The following SLC5A10 variants were observed in gnomAD, a reference collection of about 807,000 sequenced individuals.
The protein encoded by SLC5A10 is sodium/mannose cotransporter SLC5A10.
A neutral mutation model predicts 68.9 loss-of-function variants in SLC5A10; 55 were observed. The observed-to-expected ratio is 0.80, with a 90% CI of 0.64 to 1.00. The LOEUF (loss-of-function observed/expected upper bound fraction) is 1.00. Among genes scored for constraint, SLC5A10 ranks in the 50% least tolerant of loss-of-function variants. The probability of loss-of-function intolerance (pLI) is 0.00; values close to 1 mark genes in which losing one functional copy is unlikely to be tolerated. For missense variants in SLC5A10, 732 were observed against 819.3 expected (o/e 0.89, Z 1.30); for synonymous variants, 344 against 344.8 (o/e 1.00, Z 0.02).
intron 9 of SLC5A10, among the ~76,000 whole-genome samples, chr17:19,005,399 C>A (rs544521624): frequency 8.5e-5 from 13 of 152,290 alleles, no homozygotes; most frequent in Non-Finnish European, 2.9e-5. Flanking sequence ...GGGGTTGGGA[C>A]CCTGGTTATG....
At chr17:19,005,647 AC>A (rs141784762) in intron 9 of SLC5A10, among the ~76,000 whole-genome samples, 18 of 137,018 alleles carry the variant, frequency 1.3e-4, no homozygotes, top group Middle Eastern at 3.5e-3. Flanking sequence ...GTGCCCTCAA[AC>A]CCCCCCCCTC....
chr17:18,988,043 C>T (rs1426295669), intron 9 of SLC5A10, among the ~76,000 whole-genome samples: 1 of 152,222 alleles, frequency 6.6e-6, no homozygotes, highest in African/African-American at 2.4e-5. Flanking sequence ...TTTATCTCTG[C>T]CACGTTGGAG....
chr17:18,977,070 G>T, intron 9 of SLC5A10, 81 bp downstream of exon 9: 6 of 1,574,290 alleles, frequency 3.8e-6, no homozygotes, highest in Non-Finnish European at 5.2e-6. Context: ...GTCACCAGAA[G>T]AAGAGGCAAA....
chr17:18,969,054 G>A lies in SLC5A10; in HGVS notation c.456G>A (p.Leu152=). Residue 152 remains leucine (L), a splice_region_variant and synonymous_variant, in exon 6 of 15, where the codon CTG becomes CTA. Transcript: ENST00000395645. ...CACAAGGCTCTCTCCCTCCGCAGCT[G>A]GACCTGTACGCGGGGGCTCTGTTTG... The part of the protein sequence containing the change: ...LLLSVFTKIS[L]DLYAGALFVH... The A allele has an allele frequency of 6.2e-7, 1 of 1,613,076 alleles. No homozygotes were observed.
chr17:18,953,073 C>T (rs901229913), intron 1 of SLC5A10, among the ~76,000 whole-genome samples: 10 of 152,034 alleles, frequency 6.6e-5, no homozygotes, highest in African/African-American at 2.4e-4. Context: ...CCCAGAGGTC[C>T]CCAGCCTGGC....
At chr17:18,980,114 G>A (rs1187662260) in intron 9 of SLC5A10, among the ~76,000 whole-genome samples, 2 of 152,132 alleles carry the variant, frequency 1.3e-5, no homozygotes, top group Non-Finnish European at 2.9e-5. Context: ...AGGAGGGCAG[G>A]AAGGGGGCCT....
intron 1 of SLC5A10, chr17:18,953,558 A>G (rs2472693): frequency 0.7 from 107,129 of 152,436 alleles, 38,548 homozygotes; most frequent in South Asian, 0.81. Context: ...GACACCACCT[A>G]CCTGGGGTGA....
chr17:19,019,359 G>A, intron 11 of SLC5A10, 64 bp from the exon 12 acceptor site: 1 of 1,551,816 alleles, frequency 6.4e-7, no homozygotes, highest in Non-Finnish European at 8.7e-7. Flanking sequence ...AGTGACCAGG[G>A]GAGGTGGGAG....
At chr17:18,965,086 T>TAAA (rs1567780704) in intron 5 of SLC5A10, among the ~76,000 whole-genome samples, 1 of 144,686 alleles carries the variant, frequency 6.9e-6, no homozygotes, top group African/African-American at 2.7e-5. Flanking sequence ...AGAGGTTTTT[T>TAAA]TAAAAAAAAA....
intron 8 of SLC5A10, chr17:18,976,552 A>C (rs993940171): frequency 5.4e-6 from 2 of 368,162 alleles, no homozygotes; most frequent in Non-Finnish European, 9.9e-6. Flanking sequence ...GGTCTCCTCC[A>C]GCCCTGACAA....
chr17:18,959,527 C>A, intron 3 of SLC5A10, 77 bp from the exon 4 acceptor site: 1 of 1,506,422 alleles, frequency 6.6e-7, no homozygotes, highest in Non-Finnish European at 9.2e-7. Flanking sequence ...TGGCTCATCC[C>A]AGCCATGTCT....
At chr17:18,977,605 G>C in intron 9 of SLC5A10, 2 of 1,609,052 alleles carry the variant, frequency 1.2e-6, no homozygotes, top group Non-Finnish European at 1.7e-6. Flanking sequence ...TGTCTGTGGA[G>C]CGCTGGGCCT....
At chr17:18,952,795 C>T (rs547155728) in intron 1 of SLC5A10, among the ~76,000 whole-genome samples, 15 of 152,252 alleles carry the variant, frequency 9.9e-5, no homozygotes, top group African/African-American at 3.4e-4. Flanking sequence ...GTGGCCTAGC[C>T]CTAGATCATA....
chr17:18,965,408 C>T (rs2042690167), intron 5 of SLC5A10, among the ~76,000 whole-genome samples: 1 of 152,216 alleles, frequency 6.6e-6, no homozygotes, highest in South Asian at 2.1e-4. Flanking sequence ...CACCCAGCTT[C>T]TCTGCTGTCC....
intron 6 of SLC5A10, 24 bp from the exon 7 acceptor site, chr17:18,969,318 C>A: frequency 1.2e-6 from 2 of 1,611,458 alleles, no homozygotes; most frequent in Non-Finnish European, 1.7e-6. Flanking sequence ...GGGCCCCCTC[C>A]AGCAACCTTG....
Position 19,017,179 on chromosome 17 carries a change from C to A in SLC5A10, c.1241+1980C>A. 3 of 1,032,412 alleles carry A rather than the reference C, an allele frequency of 2.9e-6. No homozygotes were observed. Among genetic ancestry groups the A allele is most frequent in the Non-Finnish European group, 4.3e-6 (3 of 691,904 alleles). The allele number at this position is 1,032,412 out of a possible 1,614,324, so 64.0% of individuals were successfully genotyped here. A position where few individuals can be genotyped will look rare whatever the true frequency, so the allele number is the denominator to read the frequency against. On this transcript the variant is annotated intron_variant, in intron 11 of 14. Coordinates refer to ENST00000395645, the MANE Select transcript of SLC5A10 (RefSeq NM_001042450.4). This position sits in a 1 kb window ranked among gnomAD's most constrained non-coding sequence, Gnocchi z 5.6. ...GCTGCGTGGTGCAGGGCAGGTTGCT[C>A]ACCCTCTCTGGGCCCCAGTTCTCTC...
At chr17:18,959,536 C>T in intron 3 of SLC5A10, 68 bp from the exon 4 acceptor site, 1 of 1,549,956 alleles carries the variant, frequency 6.5e-7, no homozygotes, top group South Asian at 1.1e-5. Context: ...CCAGCCATGT[C>T]TGCTTTGTCT....
chr17:18,978,692 G>C (rs2043051951), intron 9 of SLC5A10: 1 of 1,612,874 alleles, frequency 6.2e-7, no homozygotes, highest in Non-Finnish European at 8.5e-7. Context: ...CAGCACAATA[G>C]GCTCCGGCTC....
At chr17:18,972,565 C>T (rs2042880928) in intron 8 of SLC5A10, among the ~76,000 whole-genome samples, 1 of 152,174 alleles carries the variant, frequency 6.6e-6, no homozygotes, top group Admixed American at 6.5e-5. Flanking sequence ...TGGGTTCCAA[C>T]AGTAAGAACG....
Sources: gnomAD v4.1 joint callset for allele counts (sites outside exome capture counted in the v4.1 genomes callset) on GRCh38, gnomAD v4.1.1 for gene constraint, Gnocchi (gnomAD v3.1) non-coding constraint, MANE v1.5 for transcripts, NCBI Gene and HGNC (gene_info 2026-07-23, HGNC 2026-07-21) for gene names.